GPR20: variants seen among roughly 807,000 people sequenced by gnomAD.
The protein encoded by GPR20 is CTD-3064M3.3.
For missense variants in GPR20, 494 were observed against 527.4 expected (o/e 0.94, Z 0.62); for synonymous variants, 241 against 241.9 (o/e 1.00, Z 0.04).
At chr8:141,361,727 G>A (rs1011235451) in intron 1 of GPR20, among the ~76,000 whole-genome samples, 3 of 151,476 alleles carry the variant, frequency 2.0e-5, no homozygotes, top group South Asian at 2.1e-4. Flanking sequence ...GGCCGGACAC[G>A]CTGCCCTGCA....
chr8:141,359,675 G>A (rs1326475131), intron 1 of GPR20, among the ~76,000 whole-genome samples: 3 of 152,232 alleles, frequency 2.0e-5, no homozygotes, highest in African/African-American at 7.2e-5. Context: ...TGCCACCAGA[G>A]ACGGGATTTG....
rs369513704 is a variant in GPR20, at chr8:141,357,906, T to G, written c.18A>C (p.Pro6=). 4 of 1,568,224 alleles carry G rather than the reference T, an allele frequency of 2.6e-6. No individual in the cohort carries two copies. Among genetic ancestry groups the G allele is most frequent in the Non-Finnish European group, 3.5e-6 (4 of 1,154,014 alleles). Residue 6 remains proline (P), a synonymous_variant, in exon 2 of 2, where the codon CCA becomes CCC. Coordinates refer to ENST00000377741, the MANE Select transcript of GPR20 (RefSeq NM_005293.3). Reference sequence around the variant, plus strand: ...GGACTGCCCCGGCCGAGGGCCCCGCTGGAGACACAGAGGGCATGACGGCAG... The same window carrying G: ...GGACTGCCCCGGCCGAGGGCCCCGCGGGAGACACAGAGGGCATGACGGCAG... MPSVS[P]AGPSAGAVPN... is the part of the protein sequence containing the mutation.
intron 1 of GPR20, among the ~76,000 whole-genome samples, chr8:141,365,561 G>A (rs547170214): frequency 6.6e-5 from 10 of 152,352 alleles, no homozygotes; most frequent in African/African-American, 2.4e-4. Flanking sequence ...GTCCCAGGCA[G>A]ACCTGGCCCC....
chr8:141,364,317 G>C (rs983265483), intron 1 of GPR20, among the ~76,000 whole-genome samples: 1 of 152,232 alleles, frequency 6.6e-6, no homozygotes, highest in African/African-American at 2.4e-5. Context: ...TCGGGGAACT[G>C]TCTGCCTGTT....
chr8:141,365,496 G>T (rs1831801783), intron 1 of GPR20, among the ~76,000 whole-genome samples: 1 of 152,208 alleles, frequency 6.6e-6, no homozygotes. Context: ...ACAGCCCCGT[G>T]CAGTTTGGAG....
chr8:141,364,302 AT>A (rs1831782631), intron 1 of GPR20, among the ~76,000 whole-genome samples: 1 of 152,238 alleles, frequency 6.6e-6, no homozygotes, highest in Non-Finnish European at 1.5e-5. Flanking sequence ...TAAAATAGCC[AT>A]GATTCGGGGA....
intron 1 of GPR20, among the ~76,000 whole-genome samples, chr8:141,360,772 C>G (rs10090941): frequency 0.37 from 55,590 of 151,866 alleles, 14,590 homozygotes; most frequent in African/African-American, 0.75. Flanking sequence ...GAGCAGTCAC[C>G]AGCACAGAGA....
intron 1 of GPR20, among the ~76,000 whole-genome samples, chr8:141,365,209 T>G (rs1230410741): frequency 5.3e-5 from 8 of 152,232 alleles, no homozygotes; most frequent in Admixed American, 6.5e-5. Flanking sequence ...GGGAGAGCTA[T>G]GATCCCACAA....
In GPR20 at chr8:141,357,871, G is replaced by C; in HGVS notation, c.53C>G (p.Thr18Ser). 1 of 1,607,488 alleles carries C rather than the reference G, an allele frequency of 6.2e-7. No individual in the cohort carries two copies. The highest frequency in any genetic ancestry group is 8.5e-7 in the Non-Finnish European group (1 of 1,176,394). ...GPSAGAVPNA[T>S]AVTTVRTNAS... Reference sequence around the variant, plus strand: ...ATTGGTCCGCACTGTTGTCACTGCGGTGGCATTGGGGACTGCCCCGGCCGA... The same window carrying C: ...ATTGGTCCGCACTGTTGTCACTGCGCTGGCATTGGGGACTGCCCCGGCCGA... The change falls in exon 2 of 2, where the codon ACC becomes AGC. Residue 18 changes from threonine (T) to serine (S), a missense_variant. Physicochemically the swap from Thr to Ser is moderately conservative, Grantham distance 58. Transcript: ENST00000377741.
At position 141,357,508 on chromosome 8, in the gene GPR20, A is replaced by T; in HGVS notation, c.416T>A (p.Leu139His). ...GYFLNMHCSI[L>H]FLTCICVDRY... ...GTCCACGCAGATGCAGGTGAGGAAG[A>T]GGATGGAGCAGTGCATGTTGAGGAA... is the stretch of plus-strand genomic sequence containing the variant. Residue 139 changes from leucine to histidine, a missense_variant, in exon 2 of 2, where the codon CTC (leucine) becomes CAC (histidine). Coordinates refer to ENST00000377741, the MANE Select transcript of GPR20 (RefSeq NM_005293.3). The T allele has an allele frequency of 6.2e-7, 1 of 1,613,478 alleles. No homozygotes were observed. The highest frequency in any genetic ancestry group is 8.5e-7 in the Non-Finnish European group (1 of 1,179,968).
At position 141,357,529 on chromosome 8, in the gene GPR20, A is replaced by G; in HGVS notation, c.395T>C (p.Leu132Pro). 1 of 1,613,718 alleles carries G rather than the reference A, an allele frequency of 6.2e-7. No individual in the cohort carries two copies. The highest frequency in any genetic ancestry group is 2.2e-5 in the East Asian group (1 of 44,884). Residue 132 changes from leucine to proline, a missense_variant, in exon 2 of 2, where the codon CTC becomes CCC. Physicochemically the swap from Leu to Pro is moderately conservative, Grantham distance 98 (BLOSUM62 -3). Coordinates refer to ENST00000377741, the MANE Select transcript of GPR20 (RefSeq NM_005293.3). Reference sequence around the variant, plus strand: ...GAAGAGGATGGAGCAGTGCATGTTGAGGAAGTAACCGAGGACGTGCGGGAA... The same window carrying G: ...GAAGAGGATGGAGCAGTGCATGTTGGGGAAGTAACCGAGGACGTGCGGGAA... ...CAFPHVLGYF[L>P]NMHCSILFLT...
At chr8:141,363,402 C>G (rs1831768056) in intron 1 of GPR20, among the ~76,000 whole-genome samples, 1 of 152,258 alleles carries the variant, frequency 6.6e-6, no homozygotes, top group Non-Finnish European at 1.5e-5. Flanking sequence ...CTTTGTGAAA[C>G]TCACGGTCCT....
At chr8:141,364,983 T>C (rs369592048) in intron 1 of GPR20, among the ~76,000 whole-genome samples, 1 of 152,230 alleles carries the variant, frequency 6.6e-6, no homozygotes, top group South Asian at 2.1e-4. Flanking sequence ...TTCTGTCATG[T>C]GCACCTGCCT....
At chr8:141,361,280 G>C (rs372743336) in intron 1 of GPR20, among the ~76,000 whole-genome samples, 2 of 152,262 alleles carry the variant, frequency 1.3e-5, no homozygotes, top group Non-Finnish European at 2.9e-5. Context: ...ACGAGGGCCT[G>C]CTCTCCAGGG....
intron 1 of GPR20, among the ~76,000 whole-genome samples, chr8:141,358,609 C>A (rs185180278): frequency 2.2e-4 from 33 of 152,314 alleles, no homozygotes; most frequent in Non-Finnish European, 4.1e-4. Flanking sequence ...CCGGGACCAC[C>A]CATCTGTTCT....
chr8:141,359,411 G>A (rs912387651), intron 1 of GPR20, among the ~76,000 whole-genome samples: 7 of 152,196 alleles, frequency 4.6e-5, no homozygotes, highest in African/African-American at 1.7e-4. Flanking sequence ...GTGCCTGCAT[G>A]AGGTCACCCA....
At chr8:141,365,149 C>T (rs1460656408) in intron 1 of GPR20, among the ~76,000 whole-genome samples, 1 of 152,220 alleles carries the variant, frequency 6.6e-6, no homozygotes. Flanking sequence ...CCACAGAGCT[C>T]TCCCTGAGCC....
rs561608303 is a variant in GPR20, at chr8:141,358,051, C to T, written c.-24-104G>A. 22 of 615,150 alleles carry T rather than the reference C, an allele frequency of 3.6e-5. No individual in the cohort carries two copies. The South Asian group carries it at 4.0e-4, about 11-fold the overall frequency. The allele number at this position is 615,150 out of a possible 1,614,324, so 38.1% of individuals were successfully genotyped here. A position where few individuals can be genotyped will look rare whatever the true frequency, so the allele number is the denominator to read the frequency against. On this transcript the variant is annotated intron_variant, in intron 1 of 1. Transcript: ENST00000377741. The stretch of plus-strand genomic sequence containing the variant: ...CCGTCTGCCCCTGCACGCCCAGCAT[C>T]CCCCTTCTCCATGCCCTCGCCTGGC...
Position 141,357,507 on chromosome 8 carries a change from G to A in GPR20, c.417C>T (p.Leu139=). The part of the protein sequence containing the change: ...GYFLNMHCSI[L]FLTCICVDRY... ...GGTCCACGCAGATGCAGGTGAGGAA[G>A]AGGATGGAGCAGTGCATGTTGAGGA... Residue 139 remains leucine (L), a synonymous_variant, in exon 2 of 2, where the codon CTC becomes CTT. Transcript: ENST00000377741. 1 of 1,613,506 alleles carries A rather than the reference G, an allele frequency of 6.2e-7. No individual in the cohort carries two copies. The highest frequency in any genetic ancestry group is 8.5e-7 in the Non-Finnish European group (1 of 1,179,984).
Sources: allele counts gnomAD v4.1 joint callset (sites outside exome capture counted in the v4.1 genomes callset), GRCh38; gene constraint gnomAD v4.1.1; transcripts MANE v1.5; gene names NCBI Gene and HGNC (gene_info 2026-07-23, HGNC 2026-07-21).